The following STAC variants were observed in gnomAD, a reference collection of about 807,000 sequenced individuals.
STAC encodes the protein SH3 and cysteine-rich domain-containing protein.
STAC carries 43 observed loss-of-function variants against 48.8 expected under a neutral mutation model. The observed-to-expected ratio is 0.88, with a 90% CI of 0.69 to 1.14. The LOEUF (loss-of-function observed/expected upper bound fraction) is 1.14, where lower values mean the gene tolerates loss of function less well. STAC is among the 50% of genes most tolerant of loss of function. STAC has a pLI of 0.00. For synonymous variants in STAC, 193 were observed against 179.5 expected, an observed-to-expected ratio of 1.07 and a Z score of -0.60; for missense variants, 497 against 504.0, an observed-to-expected ratio of 0.99 and a Z score of 0.13.
chr3:36,445,443 T>C (rs1013834369), intron 2 of STAC, among the ~76,000 whole-genome samples: 5 of 150,012 alleles, frequency 3.3e-5, no homozygotes, highest in Admixed American at 1.3e-4. Context: ...AACAAAGGGG[T>C]TTAGAAAGGG....
chr3:36,470,280 T>C (rs1372842435), intron 2 of STAC, among the ~76,000 whole-genome samples: 2 of 152,236 alleles, frequency 1.3e-5, no homozygotes, highest in Admixed American at 6.5e-5. Context: ...GGTATTCTCC[T>C]GTTTCCCCTA....
At chr3:36,511,686 CTT>C (rs1446869085) in intron 8 of STAC, among the ~76,000 whole-genome samples, 1 of 152,222 alleles carries the variant, frequency 6.6e-6, no homozygotes, top group South Asian at 2.1e-4. Flanking sequence ...CAGTCACTCT[CTT>C]CACATGGCTT....
chr3:36,397,750 C>T (rs1393176282), intron 1 of STAC, among the ~76,000 whole-genome samples: 2 of 152,166 alleles, frequency 1.3e-5, no homozygotes, highest in Non-Finnish European at 2.9e-5. Flanking sequence ...CTTTGGATCA[C>T]CCAAGTGCTC....
intron 2 of STAC, among the ~76,000 whole-genome samples, chr3:36,468,727 G>A (rs1697243408): frequency 6.9e-6 from 1 of 145,126 alleles, no homozygotes; most frequent in Non-Finnish European, 1.5e-5. Context: ...ACATATATAT[G>A]TATATATATA....
intron 8 of STAC, among the ~76,000 whole-genome samples, chr3:36,520,630 C>T (rs761997947): frequency 3.9e-5 from 6 of 152,136 alleles, no homozygotes; most frequent in Non-Finnish European, 7.3e-5. Context: ...TTCTAATGCA[C>T]CAATTTGATT....
At chr3:36,459,682 G>A (rs1290883000) in intron 2 of STAC, among the ~76,000 whole-genome samples, 1 of 152,184 alleles carries the variant, frequency 6.6e-6, no homozygotes, top group Non-Finnish European at 1.5e-5. Context: ...TTCTCGGCCA[G>A]TTTATTCTTT....
intron 8 of STAC, among the ~76,000 whole-genome samples, chr3:36,526,428 A>T (rs1395375083): frequency 6.6e-6 from 1 of 152,186 alleles, no homozygotes; most frequent in Non-Finnish European, 1.5e-5. Flanking sequence ...TAGAGGCATC[A>T]TGTGCTTTGC....
intron 2 of STAC, among the ~76,000 whole-genome samples, chr3:36,450,581 A>G (rs1423927116): frequency 1.3e-5 from 2 of 152,228 alleles, no homozygotes; most frequent in Admixed American, 1.3e-4. Flanking sequence ...GCTGGAGTGC[A>G]GTGGCACAAT....
intron 2 of STAC, among the ~76,000 whole-genome samples, chr3:36,450,570 G>T (rs772263778): frequency 6.6e-6 from 1 of 152,202 alleles, no homozygotes; most frequent in Non-Finnish European, 1.5e-5. Context: ...CTGTCACCCA[G>T]GCTGGAGTGC....
intron 5 of STAC, among the ~76,000 whole-genome samples, chr3:36,488,227 C>A (rs1192928850): frequency 6.6e-6 from 1 of 152,108 alleles, no homozygotes; most frequent in East Asian, 1.9e-4. Flanking sequence ...GCCACTGCAC[C>A]CAGCTGTTTC....
chr3:36,414,821 T>A (rs574078636), intron 1 of STAC, among the ~76,000 whole-genome samples: 8 of 152,348 alleles, frequency 5.3e-5, no homozygotes, highest in African/African-American at 1.9e-4. Context: ...TGGTCTTTGA[T>A]GATGGTGACA....
At chr3:36,409,691 G>C (rs774614340) in intron 1 of STAC, 1 of 152,228 alleles carries the variant, frequency 6.6e-6, no homozygotes, top group Admixed American at 6.5e-5. Context: ...GGGAAAAATA[G>C]AGGAGGCAAG....
At chr3:36,500,390 A>C (rs746257761) in intron 6 of STAC, among the ~76,000 whole-genome samples, 3 of 152,188 alleles carry the variant, frequency 2.0e-5, no homozygotes, top group Non-Finnish European at 4.4e-5. Flanking sequence ...GTAGGAGCTG[A>C]ACAATGAGAA....
At chr3:36,500,046 C>T (rs564783643) in intron 6 of STAC, among the ~76,000 whole-genome samples, 8 of 152,224 alleles carry the variant, frequency 5.3e-5, no homozygotes, top group Non-Finnish European at 1.0e-4. Context: ...GAGAAATTGA[C>T]AAAATTATTC....
chr3:36,476,214 A>G (rs1262935785), intron 2 of STAC, among the ~76,000 whole-genome samples: 1 of 152,220 alleles, frequency 6.6e-6, no homozygotes, highest in African/African-American at 2.4e-5. Context: ...ACAGGGACCC[A>G]GAGGTAAAGA....
intron 1 of STAC, among the ~76,000 whole-genome samples, chr3:36,424,729 C>T (rs1259208964): frequency 6.6e-6 from 1 of 151,962 alleles, no homozygotes; most frequent in African/African-American, 2.4e-5. Context: ...AGGGGCATGC[C>T]AAAAACGATG....
intron 5 of STAC, among the ~76,000 whole-genome samples, chr3:36,492,023 AAAAAAAAAATATATATAT>A (rs1440341594): frequency 2.0e-4 from 5 of 25,016 alleles, no homozygotes; most frequent in Non-Finnish European, 2.8e-4. Flanking sequence ...AAAAAAAAAA[AAAAAAAAAATATATATAT>A]ATATATATAT....
chr3:36,430,555 C>T (rs1464277455), intron 1 of STAC, among the ~76,000 whole-genome samples: 1 of 152,206 alleles, frequency 6.6e-6, no homozygotes, highest in Non-Finnish European at 1.5e-5. Context: ...AGAAATACTA[C>T]AGAAATATCC....
intron 1 of STAC, among the ~76,000 whole-genome samples, chr3:36,411,630 G>A (rs1700196379): frequency 6.6e-6 from 1 of 152,208 alleles, no homozygotes; most frequent in Non-Finnish European, 1.5e-5. Context: ...CTAAGCCCAG[G>A]AGAGACTGTT....
Sources: allele counts gnomAD v4.1 joint callset (sites outside exome capture counted in the v4.1 genomes callset), GRCh38; gene constraint gnomAD v4.1.1; transcripts MANE v1.5; gene names NCBI Gene and HGNC (gene_info 2026-07-23, HGNC 2026-07-21).